BCAS3: variants seen among roughly 807,000 people sequenced by gnomAD.
The protein encoded by BCAS3 is BCAS4/BCAS3 fusion.
In BCAS3, 53 loss-of-function variants were observed where a neutral mutation model predicts 116.1. The ratio of observed to expected loss-of-function variants is 0.46; its 90% CI spans 0.37 to 0.57. BCAS3 has a LOEUF of 0.57. BCAS3 is among the 20% of genes least tolerant of loss of function. The pLI is 0.00. For missense variants in BCAS3, 917 were observed against 1,165.4 expected, an observed-to-expected ratio of 0.79 and a Z score of 3.10; for synonymous variants, 391 against 408.2, an observed-to-expected ratio of 0.96 and a Z score of 0.51.
At chr17:60,841,034 T>A (rs1363070700) in intron 7 of BCAS3, among the ~76,000 whole-genome samples, 3 of 152,132 alleles carry the variant, frequency 2.0e-5, no homozygotes, top group Admixed American at 1.3e-4. Flanking sequence ...TAGATTATAT[T>A]GTTAAAATTT....
intron 22 of BCAS3, among the ~76,000 whole-genome samples, chr17:61,115,011 T>C (rs2075335968): frequency 6.6e-6 from 1 of 151,430 alleles, no homozygotes; most frequent in Non-Finnish European, 1.5e-5. Flanking sequence ...ATTTAATAAA[T>C]GGTGCTGGGA....
chr17:61,271,245 A>G (rs558655979), intron 22 of BCAS3, among the ~76,000 whole-genome samples: 6 of 144,650 alleles, frequency 4.1e-5, no homozygotes, highest in Non-Finnish European at 1.5e-5. Context: ...CTCCTGCCTC[A>G]GCCTCCCAAG....
chr17:61,132,259 C>T lies in BCAS3; in HGVS notation c.2425+47695C>T, dbSNP rs1454605574. Among the ~76,000 whole-genome samples, 1 of 152,152 alleles carries T rather than the reference C, an allele frequency of 6.6e-6. No homozygotes were observed. ...CAGCAGAAAAAAACAAATTCCTGTT[C>T]ACTTGGTAATTTTAAACACAACCAG... is the stretch of plus-strand genomic sequence containing the variant. On this transcript the variant is annotated intron_variant, in intron 22 of 23. Coordinates refer to ENST00000407086, the MANE Select transcript of BCAS3 (RefSeq NM_017679.5). This position sits in a 1 kb window ranked among gnomAD's most constrained non-coding sequence, Gnocchi z 5.1.
At chr17:60,860,042 T>C (rs1291909352) in intron 7 of BCAS3, among the ~76,000 whole-genome samples, 1 of 152,184 alleles carries the variant, frequency 6.6e-6, no homozygotes, top group Non-Finnish European at 1.5e-5. Context: ...CTGTGTTGAA[T>C]GGTAATTCTA....
chr17:61,006,828 T>G, intron 15 of BCAS3, among the ~76,000 whole-genome samples: 1 of 152,074 alleles, frequency 6.6e-6, no homozygotes, highest in East Asian at 1.9e-4. Flanking sequence ...TTTTTATTTA[T>G]ACGTATGAAG....
chr17:60,689,728 G>A lies in BCAS3; in HGVS notation c.181G>A (p.Val61Ile), dbSNP rs1449184647. 1 of 1,608,968 alleles carries A rather than the reference G, an allele frequency of 6.2e-7. No homozygotes were observed. Among genetic ancestry groups the A allele is most frequent in the South Asian group, 1.1e-5 (1 of 90,812 alleles). ...TPLTEEKEKI[V>I]WVRFENADLN... is the part of the protein sequence containing the mutation. ...TCTAACAGAAGAAAAGGAGAAAATA[G>A]TCTGGGTCAGATTTGAAAATGCAGA... The change falls in exon 4 of 24, where the codon GTC becomes ATC. Residue 61 changes from valine (V) to isoleucine (I), a missense_variant. Physicochemically the swap from Val to Ile is conservative, Grantham distance 29. Transcript: ENST00000407086.
intron 5 of BCAS3, among the ~76,000 whole-genome samples, chr17:60,721,144 G>A (rs2039196277): frequency 6.6e-6 from 1 of 152,064 alleles, no homozygotes; most frequent in South Asian, 2.1e-4. Flanking sequence ...TTGTTAGCCA[G>A]GAAACAGTTT....
At position 61,083,247 on chromosome 17, in the gene BCAS3, A is replaced by G. The variant is rs2072785891; in HGVS notation, c.2328-1220A>G. On this transcript the variant is annotated intron_variant, in intron 21 of 23. Coordinates refer to ENST00000407086, the MANE Select transcript of BCAS3 (RefSeq NM_017679.5). This position sits in a 1 kb window ranked among gnomAD's most constrained non-coding sequence, Gnocchi z 4.9. The stretch of plus-strand genomic sequence containing the variant: ...CTGCATGTATTCCCCCATCTCCTCA[A>G]TCTGAGCTTTTACTATTTATGTCAT... Among the ~76,000 whole-genome samples the G allele has an allele frequency of 6.6e-6, 1 of 152,098 alleles. No homozygotes were observed. The highest frequency in any genetic ancestry group is 1.5e-5 in the Non-Finnish European group (1 of 68,028).
intron 6 of BCAS3, among the ~76,000 whole-genome samples, chr17:60,763,283 A>G (rs1348727753): frequency 6.6e-6 from 1 of 152,182 alleles, no homozygotes; most frequent in Non-Finnish European, 1.5e-5. Flanking sequence ...CAGTTTTCAA[A>G]GGGAATGCTT....
chr17:61,117,648 T>C (rs985427226), intron 22 of BCAS3, among the ~76,000 whole-genome samples: 6 of 152,138 alleles, frequency 3.9e-5, no homozygotes, highest in African/African-American at 1.4e-4. Flanking sequence ...CTTTTTTATA[T>C]CTTTTACTTG....
chr17:61,206,111 G>T (rs2081108779), intron 22 of BCAS3, among the ~76,000 whole-genome samples: 1 of 152,156 alleles, frequency 6.6e-6, no homozygotes, highest in South Asian at 2.1e-4. Flanking sequence ...GTGAAAGTTT[G>T]TATAGGCCCC....
intron 22 of BCAS3, among the ~76,000 whole-genome samples, chr17:61,121,098 G>A (rs1356865042): frequency 1.3e-5 from 2 of 151,650 alleles, no homozygotes; most frequent in Non-Finnish European, 2.9e-5. Context: ...CATGATTTTT[G>A]TAAAGGTTTC....
intron 22 of BCAS3, among the ~76,000 whole-genome samples, chr17:61,173,180 T>C (rs990102827): frequency 6.6e-6 from 1 of 152,016 alleles, no homozygotes; most frequent in East Asian, 1.9e-4. Context: ...CTGGGCACGG[T>C]GGCTCATGCC....
intron 22 of BCAS3, among the ~76,000 whole-genome samples, chr17:61,109,878 C>T (rs2074941854): frequency 6.6e-6 from 1 of 152,178 alleles, no homozygotes; most frequent in South Asian, 2.1e-4. Flanking sequence ...GATTTTCTCC[C>T]ACTCTGTGGG....
intron 6 of BCAS3, among the ~76,000 whole-genome samples, chr17:60,793,039 G>C (rs141883163): frequency 6.6e-6 from 1 of 151,436 alleles, no homozygotes; most frequent in Non-Finnish European, 1.5e-5. Flanking sequence ...TGTTCTCAAG[G>C]TTCATCCATG....
At chr17:60,863,514 A>T (rs1336386398) in intron 7 of BCAS3, among the ~76,000 whole-genome samples, 4 of 152,008 alleles carry the variant, frequency 2.6e-5, no homozygotes, top group Non-Finnish European at 5.9e-5. Context: ...TGGGGAGGTA[A>T]GGTGGGGGGC....
chr17:60,818,573 G>C (rs2049644957), intron 7 of BCAS3, among the ~76,000 whole-genome samples: 1 of 152,172 alleles, frequency 6.6e-6, no homozygotes, highest in African/African-American at 2.4e-5. Context: ...ATTTTTGTCA[G>C]TTGTGTTTGC....
At chr17:60,965,609 G>A (rs1035905571) in intron 14 of BCAS3, among the ~76,000 whole-genome samples, 5 of 151,958 alleles carry the variant, frequency 3.3e-5, no homozygotes, top group African/African-American at 1.2e-4. Context: ...TGACCTATTG[G>A]TCACTCAGGA....
chr17:61,124,084 A>G lies in BCAS3; in HGVS notation c.2425+39520A>G, dbSNP rs1449425226. ...GTATCTAGGAGAGAGATATATATAT[A>G]TACATATATATGTTTTTATTATTTA... is the stretch of plus-strand genomic sequence containing the variant. On this transcript the variant is annotated intron_variant, in intron 22 of 23. Coordinates refer to ENST00000407086, the MANE Select transcript of BCAS3 (RefSeq NM_017679.5). The surrounding 1 kb of genome is among the most constrained non-coding windows in gnomAD (Gnocchi z 4.6). 6.6e-6 allele frequency among the ~76,000 whole-genome samples: 1 copy of G among 152,042 alleles called. No homozygotes were observed. Among genetic ancestry groups the G allele is most frequent in the Non-Finnish European group, 1.5e-5 (1 of 68,006 alleles).
Sources: allele counts gnomAD v4.1 joint callset (sites outside exome capture counted in the v4.1 genomes callset), GRCh38; gene constraint gnomAD v4.1.1; non-coding constraint Gnocchi (gnomAD v3.1); transcripts MANE v1.5; gene names NCBI Gene and HGNC (gene_info 2026-07-23, HGNC 2026-07-21).